The following USP42 variants were observed in gnomAD, a reference collection of about 807,000 sequenced individuals.
The protein encoded by USP42 is ubiquitin carboxyl-terminal hydrolase 42.
USP42 carries 23 observed loss-of-function variants against 113.0 expected under a neutral mutation model. The observed-to-expected ratio is 0.20, with a 90% CI of 0.15 to 0.29. USP42 has a LOEUF of 0.29. Ranked by LOEUF, USP42 falls within the 10% of genes least tolerant of loss-of-function variation. USP42 has a pLI of 1.00. For missense variants in USP42, 2,174 were observed against 1,779.8 expected (o/e 1.22, Z -3.99); for synonymous variants, 933 against 699.0 (o/e 1.33, Z -5.28).
chr7:6,154,217 A>G lies in USP42; in HGVS notation c.2663A>G (p.Gln888Arg). ...DHARDAQDPS[Q>R]SLGAPEAAER... Reference sequence around the variant, plus strand: ...GCCCGGGACGCTCAGGACCCATCCCAGAGCTTGGGCGCACCCGAGGCCGCA... The same window carrying G: ...GCCCGGGACGCTCAGGACCCATCCCGGAGCTTGGGCGCACCCGAGGCCGCA... Residue 888 changes from glutamine (Q) to arginine (R), a missense_variant, in exon 15 of 18, where the codon CAG becomes CGG. By Grantham distance (43) the Gln-to-Arg change is conservative. Transcript: ENST00000306177. The G allele has an allele frequency of 6.2e-7, 1 of 1,607,030 alleles. No individual in the cohort carries two copies. The highest frequency in any genetic ancestry group is 8.5e-7 in the Non-Finnish European group (1 of 1,178,986).
At chr7:6,151,469 C>A (rs1460027833) in intron 14 of USP42, among the ~76,000 whole-genome samples, 2 of 152,314 alleles carry the variant, frequency 1.3e-5, no homozygotes, top group Admixed American at 1.3e-4. Context: ...GACGGAGTCT[C>A]GCTGTGTCAC....
intron 3 of USP42, among the ~76,000 whole-genome samples, chr7:6,130,558 G>T (rs1276843137): frequency 1.3e-5 from 2 of 152,196 alleles, no homozygotes; most frequent in Admixed American, 1.3e-4. Flanking sequence ...TGTTCATCCA[G>T]TATGGTTGCA....
chr7:6,148,300 G>C (rs1255271627), intron 12 of USP42, among the ~76,000 whole-genome samples: 1 of 152,068 alleles, frequency 6.6e-6, no homozygotes, highest in Non-Finnish European at 1.5e-5. Flanking sequence ...TTGCACCACT[G>C]CACTCCAGCC....
intron 3 of USP42, among the ~76,000 whole-genome samples, chr7:6,126,727 C>T (rs921863516): frequency 6.6e-6 from 1 of 151,978 alleles, no homozygotes; most frequent in African/African-American, 2.4e-5. Context: ...CTGCAGTAAA[C>T]ACATCCGGGT....
At chr7:6,145,968 G>T (rs571863187) in intron 10 of USP42, among the ~76,000 whole-genome samples, 180 bp from the exon 11 acceptor site, 1 of 152,216 alleles carries the variant, frequency 6.6e-6, no homozygotes, top group Non-Finnish European at 1.5e-5. Flanking sequence ...AGCTCCGGAG[G>T]CTGAGGCAGG....
intron 3 of USP42, among the ~76,000 whole-genome samples, chr7:6,123,434 C>T (rs967892900): frequency 6.6e-6 from 1 of 152,108 alleles, no homozygotes; most frequent in African/African-American, 2.4e-5. Context: ...GAGGCCAAGG[C>T]GAGCAGATCA....
At chr7:6,138,997 C>T in intron 4 of USP42, 95 bp from the exon 5 acceptor site, 1 of 764,628 alleles carries the variant, frequency 1.3e-6, no homozygotes, top group Non-Finnish European at 2.0e-6. Context: ...TGGGAGTTTT[C>T]CAACCAACAT....
At chr7:6,113,872 C>T (rs1215533817) in intron 2 of USP42, among the ~76,000 whole-genome samples, 1 of 151,156 alleles carries the variant, frequency 6.6e-6, no homozygotes, top group Non-Finnish European at 1.5e-5. Flanking sequence ...CCGCCCGCCT[C>T]GGCCTCCCAA....
At chr7:6,099,818 C>T in the USP42 span, among the ~76,000 whole-genome samples, 3 of 150,900 alleles carry the variant, frequency 2.0e-5, no homozygotes, top group East Asian at 1.9e-4. Flanking sequence ...CAAAAATTAT[C>T]TGGGCATTGT....
At chr7:6,144,469 G>A (rs1171422338) in intron 9 of USP42, among the ~76,000 whole-genome samples, 1 of 152,148 alleles carries the variant, frequency 6.6e-6, no homozygotes, top group Non-Finnish European at 1.5e-5. Flanking sequence ...TTTCTGATTG[G>A]TAGTACACTG....
At chr7:6,092,752 G>A in the USP42 span, among the ~76,000 whole-genome samples, 5 of 151,078 alleles carry the variant, frequency 3.3e-5, 1 homozygote, top group African/African-American at 1.2e-4. Context: ...AAACAAGCTG[G>A]GTCTAAGACC....
At chr7:6,114,354 A>T (rs530654748) in intron 2 of USP42, among the ~76,000 whole-genome samples, 110 of 152,178 alleles carry the variant, frequency 7.2e-4, no homozygotes, top group Non-Finnish European at 1.4e-3. Flanking sequence ...TAAATGTTCA[A>T]AGTGGATATA....
rs751809383 is a variant in USP42, at chr7:6,154,768, C to T, written c.3214C>T (p.Arg1072Trp). ...YHDRYALYAA[R>W]DWKPFHGGRE... ...TGACAGGTACGCCCTGTACGCTGCCCGGGACTGGAAGCCCTTCCACGGCGG... is the reference window on the plus strand; with the variant it reads ...TGACAGGTACGCCCTGTACGCTGCCTGGGACTGGAAGCCCTTCCACGGCGG... Residue 1072 changes from arginine to tryptophan, a missense_variant, in exon 15 of 18, where the codon CGG becomes TGG. By Grantham distance (101) the Arg-to-Trp change is moderately radical. Transcript: ENST00000306177. 5.1e-6 allele frequency: 8 copies of T among 1,555,280 alleles called. No homozygotes were observed. Among genetic ancestry groups the T allele is most frequent in the South Asian group, 2.4e-5 (2 of 84,278 alleles).
chr7:6,081,292 C>G, the USP42 span: 2 of 152,176 alleles, frequency 1.3e-5, no homozygotes, highest in African/African-American at 4.8e-5. Flanking sequence ...ACACGTTCCC[C>G]AACACCCTCC....
At chr7:6,121,747 C>T (rs1201531437) in intron 3 of USP42, among the ~76,000 whole-genome samples, 1 of 152,324 alleles carries the variant, frequency 6.6e-6, no homozygotes, top group East Asian at 1.9e-4. Flanking sequence ...TCACTGCAGC[C>T]TCCACCTCCT....
intron 3 of USP42, among the ~76,000 whole-genome samples, chr7:6,116,149 C>T (rs567356075): frequency 1.3e-5 from 2 of 150,112 alleles, no homozygotes; most frequent in South Asian, 2.1e-4. Flanking sequence ...TTGGGACAGG[C>T]GAGGTTAAGA....
intron 2 of USP42, among the ~76,000 whole-genome samples, chr7:6,115,030 C>G (rs1481051695): frequency 2.6e-5 from 4 of 151,850 alleles, no homozygotes; most frequent in Admixed American, 2.0e-4. Context: ...AGAGCAGCAT[C>G]CAAATGAAGT....
intron 7 of USP42, among the ~76,000 whole-genome samples, chr7:6,142,630 C>T (rs1781496891): frequency 1.3e-5 from 2 of 152,078 alleles, no homozygotes; most frequent in African/African-American, 4.8e-5. Context: ...TACCTGTAAT[C>T]CTAACAGTTT....
chr7:6,157,686 C>T lies in USP42; in HGVS notation c.3943+631C>T, dbSNP rs1209750888. ...CAGCGTATACGTTACTCTCCCGAAT[C>T]CTTAAACCTGTAGCATTCTGAGTGC... On this transcript the variant is annotated intron_variant, in intron 16 of 17. Coordinates refer to ENST00000306177, the MANE Select transcript of USP42 (RefSeq NM_032172.3). The surrounding 1 kb of genome is among the most constrained non-coding windows in gnomAD (Gnocchi z 4.1). Among the ~76,000 whole-genome samples the T allele has an allele frequency of 1.3e-5, 2 of 152,226 alleles. No individual in the cohort carries two copies. The highest frequency in any genetic ancestry group is 2.9e-5 in the Non-Finnish European group (2 of 68,034).
Sources: allele counts gnomAD v4.1 joint callset (sites outside exome capture counted in the v4.1 genomes callset), GRCh38; gene constraint gnomAD v4.1.1; non-coding constraint Gnocchi (gnomAD v3.1); transcripts MANE v1.5; gene names NCBI Gene and HGNC (gene_info 2026-07-23, HGNC 2026-07-21).